The following EML1 variants were observed in gnomAD, a reference collection of about 807,000 sequenced individuals.
EML1 encodes the protein EMAP like 1.
EML1 carries 27 observed loss-of-function variants against 110.4 expected under a neutral mutation model. The ratio of observed to expected loss-of-function variants is 0.24; its 90% CI spans 0.18 to 0.34. The LOEUF is 0.34. EML1 is among the 10% of genes least tolerant of loss of function. The pLI is 1.00. For missense variants in EML1, 741 were observed against 1,030.9 expected (o/e 0.72, Z 3.85); for synonymous variants, 344 against 385.8 (o/e 0.89, Z 1.27).
chr14:99,802,831 T>C (rs761772474), intron 1 of EML1, among the ~76,000 whole-genome samples: 39 of 152,130 alleles, frequency 2.6e-4, no homozygotes, highest in African/African-American at 8.2e-4. Flanking sequence ...ACCGATGAGC[T>C]CACCCAGGGG....
intron 4 of EML1, among the ~76,000 whole-genome samples, chr14:99,886,261 C>T (rs1242581467): frequency 1.3e-5 from 2 of 152,190 alleles, no homozygotes; most frequent in Non-Finnish European, 2.9e-5. Flanking sequence ...ACAGGCAGAT[C>T]ATTTGAGGCC....
chr14:99,885,261 G>C (rs185080361), intron 4 of EML1, among the ~76,000 whole-genome samples: 8 of 152,356 alleles, frequency 5.3e-5, no homozygotes, highest in Non-Finnish European at 1.2e-4. Flanking sequence ...ATCATGGAGT[G>C]TGTGTTTACA....
chr14:99,786,421 C>T (rs1311865425), intron 1 of EML1, among the ~76,000 whole-genome samples: 2 of 152,214 alleles, frequency 1.3e-5, no homozygotes, highest in East Asian at 1.9e-4. Context: ...CTGCCAACTA[C>T]GTTCAACCTT....
chr14:99,770,393 A>G (rs1177118463), upstream of EML1, among the ~76,000 whole-genome samples: 1 of 151,736 alleles, frequency 6.6e-6, no homozygotes, highest in Non-Finnish European at 1.5e-5. Context: ...CTATCTATCT[A>G]TCTATCTATC....
intron 1 of EML1, among the ~76,000 whole-genome samples, chr14:99,805,709 G>A (rs1308968841): frequency 1.3e-5 from 2 of 151,968 alleles, no homozygotes; most frequent in East Asian, 1.9e-4. Context: ...CTCCTGGGCT[G>A]AAGTGATCCT....
chr14:99,936,164 T>C lies in EML1; in HGVS notation c.2007+38T>C. 1.2e-6 allele frequency: 2 copies of C among 1,612,908 alleles called. No homozygotes were observed. The highest frequency in any genetic ancestry group is 2.2e-5 in the East Asian group (1 of 44,882). On this transcript the variant is annotated intron_variant, in intron 18 of 21. Transcript: ENST00000262233. The surrounding 1 kb of genome is among the most constrained non-coding windows in gnomAD (Gnocchi z 5.5). ...AGTGGACCTGTCGCTTCTCATGCAC[T>C]GCGTATAGTTTAACTACCGTGGAAC...
intron 1 of EML1, among the ~76,000 whole-genome samples, chr14:99,796,228 G>GAGAA: frequency 7.2e-6 from 1 of 139,328 alleles, no homozygotes; most frequent in African/African-American, 2.8e-5. Context: ...GAGAGAGAGA[G>GAGAA]AGAAGATAAT....
chr14:99,746,682 G>A (rs998636534), intron 1 of EML1, among the ~76,000 whole-genome samples: 3 of 152,064 alleles, frequency 2.0e-5, no homozygotes, highest in South Asian at 2.1e-4. Flanking sequence ...TGGCTCAGTC[G>A]CACCCCACGC....
chr14:99,937,352 G>A (rs1169732459), intron 19 of EML1, among the ~76,000 whole-genome samples: 1 of 152,210 alleles, frequency 6.6e-6, no homozygotes, highest in Non-Finnish European at 1.5e-5. Flanking sequence ...CTCTGCTGGT[G>A]AGAGCTCATT....
chr14:99,893,874 A>T (rs539723761), intron 5 of EML1, among the ~76,000 whole-genome samples: 2 of 152,204 alleles, frequency 1.3e-5, no homozygotes, highest in African/African-American at 4.8e-5. Flanking sequence ...CAGTCAGAAC[A>T]CCCCAAGATG....
intron 7 of EML1, among the ~76,000 whole-genome samples, chr14:99,897,574 G>A (rs190569604): frequency 1.4e-4 from 22 of 152,198 alleles, no homozygotes; most frequent in African/African-American, 5.1e-4. Context: ...ACTGCGCTCC[G>A]TGAGACCCCT....
intron 10 of EML1, among the ~76,000 whole-genome samples, chr14:99,908,861 T>C (rs1307541881): frequency 1.3e-5 from 2 of 152,142 alleles, no homozygotes; most frequent in Non-Finnish European, 1.5e-5. Context: ...TAAAATCCAT[T>C]CCAGGGCCCT....
intron 1 of EML1, among the ~76,000 whole-genome samples, chr14:99,806,112 A>G (rs1447125101): frequency 6.6e-6 from 1 of 152,104 alleles, no homozygotes; most frequent in South Asian, 2.1e-4. Flanking sequence ...GTTTTTTTGA[A>G]AACAATAGTT....
Position 99,941,364 on chromosome 14 carries a change from C to G in EML1, c.*1252C>G, listed in dbSNP as rs1483745972. 6.6e-6 allele frequency: 1 copy of G among 152,194 alleles called. No homozygotes were observed. The highest frequency in any genetic ancestry group is 1.5e-5 in the Non-Finnish European group (1 of 68,040). The allele number at this position is 152,194 out of a possible 1,614,324, so 9.4% of individuals were successfully genotyped here. On this transcript the variant is annotated 3_prime_UTR_variant, in exon 22 of 22. Coordinates refer to ENST00000262233, the MANE Select transcript of EML1 (RefSeq NM_004434.3). ...ATGGAATTATCTGAGCTCTATGGCA[C>G]TGGTTGTTTAGAGTGACTGATGAAG...
In EML1 at chr14:99,935,354, G is replaced by A. The variant is rs535320567; in HGVS notation, c.1910-675G>A. Among the ~76,000 whole-genome samples, 6 of 152,052 alleles carry A rather than the reference G, an allele frequency of 3.9e-5. No homozygotes were observed. In the East Asian group the frequency reaches 9.7e-4, roughly 25 times the overall value. ...TGGCCAAGTGTCATGGCACACGCCT[G>A]TAGTCCCAGATACTTCCCTAGGATC... On this transcript the variant is annotated intron_variant, in intron 17 of 21. Coordinates refer to ENST00000262233, the MANE Select transcript of EML1 (RefSeq NM_004434.3).
At chr14:99,845,495 G>A (rs1170808504) in intron 1 of EML1, among the ~76,000 whole-genome samples, 1 of 152,180 alleles carries the variant, frequency 6.6e-6, no homozygotes, top group African/African-American at 2.4e-5. Context: ...ATTCTACATT[G>A]GGAGCATAAA....
At chr14:99,805,537 T>C (rs1262694783) in intron 1 of EML1, among the ~76,000 whole-genome samples, 1 of 152,166 alleles carries the variant, frequency 6.6e-6, no homozygotes, top group Non-Finnish European at 1.5e-5. Context: ...CGCAGTGATA[T>C]GAGCTGGGCT....
At position 99,858,803 on chromosome 14, in the gene EML1, A is replaced by G. The variant is rs1035209069; in HGVS notation, c.251-6711A>G. ...GGTTGCCTTTTCCAGTTCTAAATAC[A>G]GACATCTTTTAAATTTTGAAATGGA... On this transcript the variant is annotated intron_variant, in intron 2 of 21. Transcript: ENST00000262233. Among the ~76,000 whole-genome samples the G allele has an allele frequency of 4.6e-5, 7 of 152,228 alleles. 1 individual carries two copies. Among genetic ancestry groups the G allele is most frequent in the Admixed American group, 3.9e-4 (6 of 15,278 alleles).
intron 3 of EML1, among the ~76,000 whole-genome samples, chr14:99,872,395 G>A (rs140411182): frequency 2.0e-5 from 3 of 152,214 alleles, no homozygotes; most frequent in African/African-American, 7.2e-5. Flanking sequence ...GTACGTGTGT[G>A]TGCTAGCACT....
Sources: gnomAD v4.1 joint callset for allele counts (sites outside exome capture counted in the v4.1 genomes callset) on GRCh38, gnomAD v4.1.1 for gene constraint, Gnocchi (gnomAD v3.1) non-coding constraint, MANE v1.5 for transcripts, NCBI Gene and HGNC (gene_info 2026-07-23, HGNC 2026-07-21) for gene names.